Variants in PTDSS2 observed in about 807,000 individuals in gnomAD.
PTDSS2 encodes phosphatidylserine synthase 2.
In PTDSS2, 41 loss-of-function variants were observed where a neutral mutation model predicts 64.7. That is an observed-to-expected ratio of 0.63 (90% CI 0.49 to 0.82). The LOEUF (loss-of-function observed/expected upper bound fraction) is 0.82. Among genes scored for constraint, PTDSS2 ranks in the 40% least tolerant of loss-of-function variants. The pLI, the probability that PTDSS2 is intolerant of heterozygous loss-of-function variation, is 0.00. For missense variants in PTDSS2, 485 were observed against 650.0 expected, an observed-to-expected ratio of 0.75 and a Z score of 2.76; for synonymous variants, 297 against 277.8, an observed-to-expected ratio of 1.07 and a Z score of -0.69.
At chr11:490,115 G>C in intron 11 of PTDSS2, 47 bp downstream of exon 11, 1 of 1,545,092 alleles carries the variant, frequency 6.5e-7, no homozygotes, top group South Asian at 1.2e-5. Context: ...GCCGCTGTCC[G>C]GGTCCCTTGG....
intron 2 of PTDSS2, among the ~76,000 whole-genome samples, chr11:464,603 C>G (rs972694886): frequency 6.6e-6 from 1 of 152,242 alleles, no homozygotes; most frequent in Non-Finnish European, 1.5e-5. Flanking sequence ...TGGCCTCTCC[C>G]GCTGGAGGGC....
At chr11:471,616 G>A (rs1287538596) in intron 2 of PTDSS2, among the ~76,000 whole-genome samples, 2 of 148,028 alleles carry the variant, frequency 1.4e-5, no homozygotes. Flanking sequence ...GGGATGACAC[G>A]CGCCTGTCAG....
chr11:449,551 G>T (rs559038768), upstream of PTDSS2, among the ~76,000 whole-genome samples: 1 of 152,348 alleles, frequency 6.6e-6, no homozygotes, highest in African/African-American at 2.4e-5. Flanking sequence ...AGTGGCTCAG[G>T]AGCTAATTTT....
chr11:485,897 C>T (rs1316659282), intron 4 of PTDSS2, among the ~76,000 whole-genome samples: 1 of 28,018 alleles, frequency 3.6e-5, no homozygotes, highest in Non-Finnish European at 6.4e-5. Context: ...CGCAGGCGAG[C>T]GTAAACAGTG....
chr11:477,592 A>G (rs1847868932), intron 3 of PTDSS2, among the ~76,000 whole-genome samples: 1 of 152,228 alleles, frequency 6.6e-6, no homozygotes, highest in Non-Finnish European at 1.5e-5. Flanking sequence ...GCCTTCCCCA[A>G]CAGGAGAAAC....
At position 490,088 on chromosome 11, in the gene PTDSS2, G is replaced by T. The variant is rs375985152; in HGVS notation, c.1301+20G>T. On this transcript the variant is annotated intron_variant, in intron 11 of 11. Coordinates refer to ENST00000308020, the MANE Select transcript of PTDSS2 (RefSeq NM_030783.3). Reference sequence around the variant, plus strand: ...CCTGCGGTGAGTCAGGGCAGGGCGCGTATGTTCTGAAGGAGGGCCGCTGTC... The same window carrying T: ...CCTGCGGTGAGTCAGGGCAGGGCGCTTATGTTCTGAAGGAGGGCCGCTGTC... 1.1e-5 allele frequency: 18 copies of T among 1,588,858 alleles called. No homozygotes were observed. The African/African-American group carries it at 2.0e-4, about 18-fold the overall frequency.
chr11:460,626 G>T lies in PTDSS2; in HGVS notation c.284+338G>T, dbSNP rs1846832705. On this transcript the variant is annotated intron_variant, in intron 2 of 11. Transcript: ENST00000308020. The surrounding 1 kb of genome is among the most constrained non-coding windows in gnomAD (Gnocchi z 5.8). ...TACAGGGCTGAGCCCTTGAGTTTGGGCGTCTCCGGGGGTGAGGTTCCTGCG... is the reference window on the plus strand; with the variant it reads ...TACAGGGCTGAGCCCTTGAGTTTGGTCGTCTCCGGGGGTGAGGTTCCTGCG... 1 of 235,900 alleles carries T rather than the reference G, an allele frequency of 4.2e-6. No individual in the cohort carries two copies. The highest frequency in any genetic ancestry group is 5.1e-5 in the Admixed American group (1 of 19,682). The allele number at this position is 235,900 out of a possible 1,614,324, so 14.6% of individuals were successfully genotyped here. A position where few individuals can be genotyped will look rare whatever the true frequency, so the allele number is the denominator to read the frequency against.
intron 4 of PTDSS2, among the ~76,000 whole-genome samples, chr11:482,734 G>A (rs975495598): frequency 6.6e-6 from 1 of 152,138 alleles, no homozygotes; most frequent in Non-Finnish European, 1.5e-5. Flanking sequence ...AGTTCTGTGA[G>A]TTTTTTGTAG....
At chr11:451,893 G>A (rs1819136702) in intron 1 of PTDSS2, among the ~76,000 whole-genome samples, 1 of 152,204 alleles carries the variant, frequency 6.6e-6, no homozygotes, top group African/African-American at 2.4e-5. Flanking sequence ...GGGGAGATGA[G>A]TGTACCGGGT....
At position 489,666 on chromosome 11, in the gene PTDSS2, C is replaced by A; in HGVS notation, c.1048C>A (p.Arg350=). ...MPPEHYLVLL[R]LVFFVNVGGV... ...CCCGGAGCACTACCTGGTCCTCCTG[C>A]GGCTCGTCTTCTTCGTGAACGTGGG... Residue 350 remains arginine (R), a synonymous_variant, in exon 10 of 12, where the codon CGG becomes AGG. Transcript: ENST00000308020. The A allele has an allele frequency of 1.3e-6, 2 of 1,599,890 alleles. No individual in the cohort carries two copies. The highest frequency in any genetic ancestry group is 1.7e-6 in the Non-Finnish European group (2 of 1,173,904).
At chr11:449,475 G>C (rs1240813231), upstream of PTDSS2, among the ~76,000 whole-genome samples, 3 of 152,246 alleles carry the variant, frequency 2.0e-5, no homozygotes, top group Non-Finnish European at 4.4e-5. Flanking sequence ...AACTAGGAGC[G>C]CTAGTGTGTA....
At chr11:453,842 C>T (rs1428221889) in intron 1 of PTDSS2, among the ~76,000 whole-genome samples, 1 of 152,260 alleles carries the variant, frequency 6.6e-6, no homozygotes, top group Non-Finnish European at 1.5e-5. Context: ...AAGGAGGCAG[C>T]TGGGTCTTTT....
upstream of PTDSS2, among the ~76,000 whole-genome samples, chr11:449,842 G>A (rs1483079154): frequency 6.6e-6 from 1 of 152,214 alleles, no homozygotes; most frequent in Admixed American, 6.5e-5. Flanking sequence ...AGCTACTCGG[G>A]AAGCTTGAGA....
Position 479,475 on chromosome 11 carries a change from G to T in PTDSS2, c.435+323G>T. Reference sequence around the variant, plus strand: ...CAGGGCCAGTGGTGCAGGCACAGAAGAGGGCAGGGCCAGTGGTGCAGCTGC... The same window carrying T: ...CAGGGCCAGTGGTGCAGGCACAGAATAGGGCAGGGCCAGTGGTGCAGCTGC... On this transcript the variant is annotated intron_variant, in intron 4 of 11. Coordinates refer to ENST00000308020, the MANE Select transcript of PTDSS2 (RefSeq NM_030783.3). The surrounding 1 kb of genome is among the most constrained non-coding windows in gnomAD (Gnocchi z 4.2). The T allele has an allele frequency of 2.3e-6, 1 of 440,850 alleles. No homozygotes were observed. Among genetic ancestry groups the T allele is most frequent in the Non-Finnish European group, 4.2e-6 (1 of 239,670 alleles). The allele number at this position is 440,850 out of a possible 1,614,324, so 27.3% of individuals were successfully genotyped here. A position where few individuals can be genotyped will look rare whatever the true frequency, so the allele number is the denominator to read the frequency against.
In PTDSS2 at chr11:455,491, G is replaced by T. The variant is rs186303745; in HGVS notation, c.183-4696G>T. On this transcript the variant is annotated intron_variant, in intron 1 of 11. Transcript: ENST00000308020. The stretch of plus-strand genomic sequence containing the variant: ...GTGGGCCCTTGGCGGGGTTCTGGGT[G>T]TCTGGAGCCCCTTGACCTTGTTCCT... Among the ~76,000 whole-genome samples the T allele has an allele frequency of 2.0e-3, 299 of 152,330 alleles. 1 individual carries two copies. The highest frequency in any genetic ancestry group is 7.0e-3 in the African/African-American group (292 of 41,576).
At chr11:451,037 C>A (rs1218296051) in intron 1 of PTDSS2, among the ~76,000 whole-genome samples, 2 of 152,156 alleles carry the variant, frequency 1.3e-5, no homozygotes, top group Non-Finnish European at 2.9e-5. Flanking sequence ...TCACCTGTGT[C>A]CCCCGTCATT....
chr11:487,272 G>T (rs1848436801), intron 5 of PTDSS2, 148 bp from the exon 6 acceptor site: 1 of 930,910 alleles, frequency 1.1e-6, no homozygotes, highest in Non-Finnish European at 1.7e-6. Context: ...TCGTGGACGT[G>T]GTCTCCACAG....
intron 1 of PTDSS2, 119 bp downstream of exon 1, chr11:450,756 C>T (rs1846279209): frequency 3.2e-6 from 3 of 951,542 alleles, no homozygotes; most frequent in Non-Finnish European, 4.1e-6. Flanking sequence ...AGGACTGTGG[C>T]CGGGGGTTTG....
intron 1 of PTDSS2, among the ~76,000 whole-genome samples, chr11:453,261 C>T (rs550009258): frequency 6.6e-6 from 1 of 152,306 alleles, no homozygotes; most frequent in East Asian, 1.9e-4. Flanking sequence ...GATCCACAGA[C>T]TCCGAGAAGC....
Sources: gnomAD v4.1 joint callset for allele counts (sites outside exome capture counted in the v4.1 genomes callset) on GRCh38, gnomAD v4.1.1 for gene constraint, Gnocchi (gnomAD v3.1) non-coding constraint, MANE v1.5 for transcripts, NCBI Gene and HGNC (gene_info 2026-07-23, HGNC 2026-07-21) for gene names.